Variants in MYO5A observed in about 807,000 individuals in gnomAD.
MYO5A encodes unconventional myosin-Va.
In MYO5A, 98 loss-of-function variants were observed where a neutral mutation model predicts 249.7. The ratio of observed to expected loss-of-function variants is 0.39; its 90% CI spans 0.33 to 0.46. The LOEUF (loss-of-function observed/expected upper bound fraction) is 0.46. Among genes scored for constraint, MYO5A ranks in the 20% least tolerant of loss-of-function variants. MYO5A has a pLI of 0.98. For missense variants in MYO5A, 1,696 were observed against 2,308.8 expected (o/e 0.73, Z 5.44); for synonymous variants, 778 against 810.6 (o/e 0.96, Z 0.68).
At chr15:52,379,768 A>C in intron 17 of MYO5A, 35 bp from the exon 18 acceptor site, 1 of 1,613,934 alleles carries the variant, frequency 6.2e-7, no homozygotes, top group East Asian at 2.2e-5. Context: ...TTACTTAAAG[A>C]ACTAGGATCT....
chr15:52,360,739 T>C (rs1308024809), intron 24 of MYO5A, among the ~76,000 whole-genome samples: 1 of 152,062 alleles, frequency 6.6e-6, no homozygotes, highest in Non-Finnish European at 1.5e-5. Context: ...AGGAAATTAG[T>C]GTTGAGAAAG....
chr15:52,403,955 T>C (rs1038325299), intron 9 of MYO5A, among the ~76,000 whole-genome samples: 1 of 152,138 alleles, frequency 6.6e-6, no homozygotes, highest in Non-Finnish European at 1.5e-5. Context: ...TCTTGGCCCT[T>C]GGACTAATAA....
chr15:52,484,472 A>C (rs2076777314), intron 1 of MYO5A, among the ~76,000 whole-genome samples: 1 of 152,150 alleles, frequency 6.6e-6, no homozygotes, highest in Admixed American at 6.5e-5. Context: ...ATCAACACTA[A>C]CTTTAATCCT....
intron 4 of MYO5A, among the ~76,000 whole-genome samples, chr15:52,416,535 A>G (rs557690003): frequency 6.6e-6 from 1 of 151,378 alleles, no homozygotes; most frequent in African/African-American, 2.4e-5. Flanking sequence ...GTTGAGGAGG[A>G]TATTTATTAT....
Position 52,337,995 on chromosome 15 carries a change from T to C in MYO5A, c.4240-111A>G, listed in dbSNP as rs147526867. On this transcript the variant is annotated intron_variant, in intron 32 of 41. Coordinates refer to ENST00000399233, the MANE Select transcript of MYO5A (RefSeq NM_001382347.1). ...TTTTAAAATACAAATAGTGAAACTA[T>C]ATATACTTGAAAGGCTCTGATTTGT... 4.0e-5 allele frequency: 28 copies of C among 708,478 alleles called. No homozygotes were observed. The African/African-American group carries it at 4.1e-4, about 10-fold the overall frequency. 43.9% of individuals were successfully genotyped at this position (708,478 alleles called of 1,614,324 possible). A position where few individuals can be genotyped will look rare whatever the true frequency, so the allele number is the denominator to read the frequency against.
rs912759957 is a variant in MYO5A at position 52,482,766 on chromosome 15, C to T, written c.27+46014G>A. ...ATCCGGTCCATTAGTAGAGGAGTTG[C>T]GGCAGCTCAAGGCAAGGAGCCTGAG... On this transcript the variant is annotated intron_variant, in intron 1 of 41. Transcript: ENST00000399233. Among the ~76,000 whole-genome samples, 7 of 151,970 alleles carry T rather than the reference C, an allele frequency of 4.6e-5. No homozygotes were observed. The East Asian group carries it at 7.7e-4, about 17-fold the overall frequency.
chr15:52,320,779 C>T (rs893346936), intron 38 of MYO5A, among the ~76,000 whole-genome samples: 2 of 151,962 alleles, frequency 1.3e-5, no homozygotes, highest in Non-Finnish European at 2.9e-5. Flanking sequence ...TTTGGGAGGC[C>T]GAGGTGAGTG....
At chr15:52,461,951 C>A (rs1164842568) in intron 1 of MYO5A, among the ~76,000 whole-genome samples, 1 of 143,950 alleles carries the variant, frequency 6.9e-6, no homozygotes, top group Non-Finnish European at 1.5e-5. Context: ...GGCAACACAG[C>A]GAGACTCCAT....
rs781090646 is a variant in MYO5A, at chr15:52,351,457, T to C, written c.3646A>G (p.Lys1216Glu). The change falls in exon 28 of 42, where the codon AAA becomes GAA. Residue 1216 changes from lysine (K) to glutamate (E), a missense_variant. Physicochemically the swap from Lys to Glu is moderately conservative, Grantham distance 56. Transcript: ENST00000399233. ...TCATTTAGCTCATTCTTCAGTTTTTTGTTTTCTGATTCTAGTTCTTGACGC... is the reference window on the plus strand; with the variant it reads ...TCATTTAGCTCATTCTTCAGTTTTTCGTTTTCTGATTCTAGTTCTTGACGC... ...LKRQELESENKKLKNELNELR... is the reference protein window; with the variant it reads ...LKRQELESENEKLKNELNELR... 6.2e-7 allele frequency: 1 copy of C among 1,614,096 alleles called. No homozygotes were observed. The highest frequency in any genetic ancestry group is 8.5e-7 in the Non-Finnish European group (1 of 1,180,032).
chr15:52,387,735 C>T lies in MYO5A; in HGVS notation c.1752+94G>A, dbSNP rs537109209. 2.1e-5 allele frequency: 21 copies of T among 1,010,304 alleles called. No homozygotes were observed. In the African/African-American group the frequency reaches 2.3e-4, roughly 11 times the overall value. 62.6% of individuals were successfully genotyped at this position (1,010,304 alleles called of 1,614,324 possible). On this transcript the variant is annotated intron_variant, in intron 14 of 41. Transcript: ENST00000399233. The stretch of plus-strand genomic sequence containing the variant: ...TGTTATATATTTGGTAAATTAAAAA[C>T]TGAAACAGATTTTTGTTAAAAAAAT...
chr15:52,399,049 A>T (rs2042620396), intron 9 of MYO5A, among the ~76,000 whole-genome samples: 2 of 151,770 alleles, frequency 1.3e-5, no homozygotes, highest in Non-Finnish European at 2.9e-5. Context: ...CACTCTGTAA[A>T]CATATTCTAC....
At chr15:52,464,328 C>T (rs973384664) in intron 1 of MYO5A, among the ~76,000 whole-genome samples, 3 of 152,226 alleles carry the variant, frequency 2.0e-5, no homozygotes, top group African/African-American at 7.2e-5. Flanking sequence ...GCTGTGCCAG[C>T]CTTCTGTTGT....
intron 1 of MYO5A, among the ~76,000 whole-genome samples, chr15:52,445,521 G>C (rs1387102395): frequency 6.6e-6 from 1 of 152,176 alleles, no homozygotes; most frequent in Non-Finnish European, 1.5e-5. Flanking sequence ...ACAGATAACT[G>C]AAAATGTAGA....
intron 11 of MYO5A, among the ~76,000 whole-genome samples, chr15:52,395,574 A>C (rs910791671): frequency 6.6e-6 from 1 of 152,136 alleles, no homozygotes; most frequent in Admixed American, 6.5e-5. Context: ...GACCCTTTAC[A>C]TATTCCAACT....
chr15:52,481,413 A>C (rs2076712459), intron 1 of MYO5A, among the ~76,000 whole-genome samples: 1 of 152,238 alleles, frequency 6.6e-6, no homozygotes, highest in Non-Finnish European at 1.5e-5. Context: ...CTGTTCTAAG[A>C]ATTGCAGAAA....
chr15:52,462,715 G>T (rs944640810), intron 1 of MYO5A, among the ~76,000 whole-genome samples: 1 of 152,046 alleles, frequency 6.6e-6, no homozygotes, highest in African/African-American at 2.4e-5. Context: ...GGGCACGGTG[G>T]CACACACCTG....
At chr15:52,469,530 G>T (rs1294112778) in intron 1 of MYO5A, among the ~76,000 whole-genome samples, 2 of 152,180 alleles carry the variant, frequency 1.3e-5, no homozygotes, top group East Asian at 3.8e-4. Flanking sequence ...AGGGATGACA[G>T]AGGCAGCAGA....
rs1419058066 is a variant in MYO5A, at chr15:52,437,945, GAT to G, written c.28-4662_28-4661del. 5 of 809,184 alleles carry G rather than the reference GAT, an allele frequency of 6.2e-6. No individual in the cohort carries two copies. The African/African-American group carries it at 9.3e-5, about 15-fold the overall frequency. The allele number at this position is 809,184 out of a possible 1,614,324, so 50.1% of individuals were successfully genotyped here. On this transcript the variant is annotated intron_variant, in intron 1 of 41. Transcript: ENST00000399233. ...ATATTTAAACACTGAACACCACCCT[GAT>G]AACCAATTTCCTCTTTATCTTAGCT...
intron 1 of MYO5A, among the ~76,000 whole-genome samples, chr15:52,521,026 G>A (rs373072975): frequency 7.9e-5 from 12 of 152,134 alleles, no homozygotes; most frequent in East Asian, 3.9e-4. Flanking sequence ...TCAGGAGTTC[G>A]AGACCCGCCT....
Sources: allele counts gnomAD v4.1 joint callset (sites outside exome capture counted in the v4.1 genomes callset), GRCh38; gene constraint gnomAD v4.1.1; transcripts MANE v1.5; gene names NCBI Gene and HGNC (gene_info 2026-07-23, HGNC 2026-07-21).